CACNA2D3: variants seen among roughly 807,000 people sequenced by gnomAD.
The protein encoded by CACNA2D3 is voltage-dependent calcium channel subunit alpha-2/delta-3.
Under a neutral mutation model 160.6 loss-of-function variants are expected in CACNA2D3, and 60 were observed. The ratio of observed to expected loss-of-function variants is 0.37; its 90% CI spans 0.30 to 0.46. The LOEUF is 0.46. Among genes scored for constraint, CACNA2D3 ranks in the 20% least tolerant of loss-of-function variants. The pLI, the probability that CACNA2D3 is intolerant of heterozygous loss-of-function variation, is 1.00. For synonymous variants in CACNA2D3, 558 were observed against 492.9 expected (o/e 1.13, Z -1.75); for missense variants, 1,205 against 1,365.0 (o/e 0.88, Z 1.85).
intron 2 of CACNA2D3, among the ~76,000 whole-genome samples, chr3:54,188,257 AAACAAACAAAC>A (rs1700914266): frequency 1.3e-5 from 2 of 150,872 alleles, no homozygotes; most frequent in Non-Finnish European, 2.9e-5. Context: ...ACAAACAAAC[AAACAAACAAAC>A]AAAAAAACCA....
At chr3:54,827,968 G>A (rs915168726) in intron 14 of CACNA2D3, among the ~76,000 whole-genome samples, 1 of 152,170 alleles carries the variant, frequency 6.6e-6, no homozygotes, top group African/African-American at 2.4e-5. Context: ...AGTGTTCAGT[G>A]ACTTTGCTTC....
chr3:54,436,530 A>G (rs541517787), intron 4 of CACNA2D3, among the ~76,000 whole-genome samples: 2 of 152,348 alleles, frequency 1.3e-5, no homozygotes, highest in Middle Eastern at 6.8e-3. Flanking sequence ...AACCAACCCA[A>G]ATGCCCATCA....
intron 35 of CACNA2D3, among the ~76,000 whole-genome samples, chr3:55,067,101 C>CGGGGGG (rs569501820): frequency 2.0e-5 from 3 of 150,318 alleles, no homozygotes; most frequent in African/African-American, 7.3e-5. Flanking sequence ...TCTTTTGTAG[C>CGGGGGG]GGGGGGGGCT....
chr3:54,819,786 A>G (rs1008557270), intron 14 of CACNA2D3, among the ~76,000 whole-genome samples: 1 of 151,314 alleles, frequency 6.6e-6, no homozygotes, highest in African/African-American at 2.4e-5. Flanking sequence ...TGGAGGTTGC[A>G]GTGAGCCGAG....
chr3:54,796,285 G>C (rs770603630), intron 13 of CACNA2D3, among the ~76,000 whole-genome samples: 1 of 152,170 alleles, frequency 6.6e-6, no homozygotes, highest in Non-Finnish European at 1.5e-5. Context: ...CATTTGCAGA[G>C]TGAAGATGAT....
At chr3:54,840,700 C>T (rs1698799991) in intron 16 of CACNA2D3, among the ~76,000 whole-genome samples, 2 of 137,226 alleles carry the variant, frequency 1.5e-5, no homozygotes, top group South Asian at 4.7e-4. Flanking sequence ...TGAGCCACTG[C>T]ACCCTGCCAA....
At chr3:54,217,798 T>G (rs562621236) in intron 2 of CACNA2D3, among the ~76,000 whole-genome samples, 2 of 152,228 alleles carry the variant, frequency 1.3e-5, no homozygotes, top group South Asian at 4.2e-4. Flanking sequence ...TTCTGTTGTT[T>G]TATGTCAACA....
intron 9 of CACNA2D3, among the ~76,000 whole-genome samples, chr3:54,614,895 A>G (rs568295383): frequency 6.6e-6 from 1 of 152,332 alleles, no homozygotes; most frequent in African/African-American, 2.4e-5. Flanking sequence ...ATTTGGAAAC[A>G]TATAATATAT....
intron 24 of CACNA2D3, among the ~76,000 whole-genome samples, 174 bp from the exon 25 acceptor site, chr3:54,891,179 TCG>T (rs1491478425): frequency 9.6e-5 from 8 of 83,266 alleles, no homozygotes; most frequent in African/African-American, 1.8e-4. Context: ...CAATCTGTGC[TCG>T]TGTGTGTGTG....
In CACNA2D3 at chr3:54,335,488, C is replaced by G. The variant is rs944661808; in HGVS notation, c.321+14930C>G. Among the ~76,000 whole-genome samples the G allele has an allele frequency of 5.9e-5, 9 of 152,232 alleles. No homozygotes were observed. In the East Asian group the frequency reaches 7.7e-4, roughly 13 times the overall value. ...ATGGCATTTGTAAACTGTCATGGTG[C>G]TGGTGGGATTGTAGCAGTGAAGACG... is the stretch of plus-strand genomic sequence containing the variant. On this transcript the variant is annotated intron_variant, in intron 3 of 37. Coordinates refer to ENST00000474759, the MANE Select transcript of CACNA2D3 (RefSeq NM_018398.3).
intron 11 of CACNA2D3, among the ~76,000 whole-genome samples, chr3:54,691,658 G>A (rs550090630): frequency 3.3e-5 from 5 of 152,300 alleles, no homozygotes; most frequent in Admixed American, 6.5e-5. Context: ...ATGAAAATGA[G>A]CAAGTGCTGA....
At position 54,928,049 on chromosome 3, in the gene CACNA2D3, A is replaced by C. The variant is rs761085126; in HGVS notation, c.2449+28181A>C. ...TGAACCCTGCCCTTGCTTTTCTTCA[A>C]TGCAGAAAACAGTTGTTGCTTTCAA... On this transcript the variant is annotated intron_variant, in intron 27 of 37. Coordinates refer to ENST00000474759, the MANE Select transcript of CACNA2D3 (RefSeq NM_018398.3). 59 of 776,256 alleles carry C rather than the reference A, an allele frequency of 7.6e-5. 1 individual carries two copies. The highest frequency in any genetic ancestry group is 1.1e-4 in the Non-Finnish European group (52 of 453,160). The allele number at this position is 776,256 out of a possible 1,614,324, so 48.1% of individuals were successfully genotyped here. A position where few individuals can be genotyped will look rare whatever the true frequency, so the allele number is the denominator to read the frequency against.
chr3:54,255,711 T>C (rs1290174164), intron 2 of CACNA2D3, among the ~76,000 whole-genome samples: 3 of 152,142 alleles, frequency 2.0e-5, no homozygotes, highest in African/African-American at 7.2e-5. Flanking sequence ...CCCTACTTTA[T>C]TGTTCTCCCC....
chr3:54,464,539 G>C (rs1700576056), intron 4 of CACNA2D3, among the ~76,000 whole-genome samples: 1 of 152,236 alleles, frequency 6.6e-6, no homozygotes, highest in Non-Finnish European at 1.5e-5. Context: ...TGCTGTGCTA[G>C]CAATCAGCAA....
At chr3:54,250,839 A>T (rs1702174789) in intron 2 of CACNA2D3, among the ~76,000 whole-genome samples, 1 of 152,220 alleles carries the variant, frequency 6.6e-6, no homozygotes, top group Non-Finnish European at 1.5e-5. Flanking sequence ...AGAAAATATC[A>T]GACAGTGAGT....
At chr3:54,625,203 A>G (rs1699071333) in intron 9 of CACNA2D3, among the ~76,000 whole-genome samples, 1 of 152,208 alleles carries the variant, frequency 6.6e-6, no homozygotes, top group Admixed American at 6.5e-5. Context: ...AGGAGCAGAG[A>G]TTAAAGTGAG....
intron 35 of CACNA2D3, among the ~76,000 whole-genome samples, chr3:55,072,311 G>A (rs1704828156): frequency 6.6e-6 from 1 of 152,206 alleles, no homozygotes; most frequent in Admixed American, 6.5e-5. Context: ...TTGTGTTGCA[G>A]TCTCTCTGAG....
intron 2 of CACNA2D3, among the ~76,000 whole-genome samples, chr3:54,188,235 A>G (rs928772928): frequency 7.3e-5 from 2 of 27,290 alleles, no homozygotes; most frequent in African/African-American, 2.9e-4. Flanking sequence ...TTAAAAACAA[A>G]CAAACAAACA....
At chr3:54,850,054 A>G (rs546481739) in intron 17 of CACNA2D3, among the ~76,000 whole-genome samples, 1 of 152,280 alleles carries the variant, frequency 6.6e-6, no homozygotes, top group Non-Finnish European at 1.5e-5. Flanking sequence ...ACTTTGGTTT[A>G]ACTGGCAAAG....
Sources: gnomAD v4.1 joint callset for allele counts (sites outside exome capture counted in the v4.1 genomes callset) on GRCh38, gnomAD v4.1.1 for gene constraint, MANE v1.5 for transcripts, NCBI Gene and HGNC (gene_info 2026-07-23, HGNC 2026-07-21) for gene names.